Variants in PAM observed in about 807,000 individuals in gnomAD.
The protein encoded by PAM is peptidylglycine alpha-amidating monooxygenase, also known as peptidyl-glycine alpha-amidating monooxygenase.
PAM carries 72 observed loss-of-function variants against 122.1 expected under a neutral mutation model. That is an observed-to-expected ratio of 0.59 (90% CI 0.49 to 0.72). The LOEUF is 0.72. Ranked by LOEUF, PAM falls within the 30% of genes least tolerant of loss-of-function variation. The pLI, the probability that PAM is intolerant of heterozygous loss-of-function variation, is 0.00. For missense variants in PAM, 1,106 were observed against 1,183.7 expected, an observed-to-expected ratio of 0.93 and a Z score of 0.96; for synonymous variants, 389 against 404.4, an observed-to-expected ratio of 0.96 and a Z score of 0.46.
At chr5:102,823,623 C>T (rs1419309627) in intron 1 of PAM, among the ~76,000 whole-genome samples, 1 of 152,164 alleles carries the variant, frequency 6.6e-6, no homozygotes, top group African/African-American at 2.4e-5. Flanking sequence ...ATCTTAGAAC[C>T]TACTTAACTA....
At chr5:102,844,648 T>C (rs895290857) in intron 1 of PAM, among the ~76,000 whole-genome samples, 2 of 151,950 alleles carry the variant, frequency 1.3e-5, no homozygotes, top group Non-Finnish European at 2.9e-5. Flanking sequence ...GCCTGGGCAA[T>C]AGAGCAAGAC....
At chr5:102,844,004 T>G (rs1488774496) in intron 1 of PAM, among the ~76,000 whole-genome samples, 4 of 152,198 alleles carry the variant, frequency 2.6e-5, no homozygotes, top group Non-Finnish European at 5.9e-5. Flanking sequence ...CAAAAACCTG[T>G]ATATACATGT....
intron 22 of PAM, 24 bp downstream of exon 22, chr5:103,017,457 T>C: frequency 7.2e-7 from 1 of 1,384,830 alleles, no homozygotes; most frequent in Non-Finnish European, 1.0e-6. Flanking sequence ...AGTATTATTG[T>C]TCACATTTTC....
intron 6 of PAM, among the ~76,000 whole-genome samples, chr5:102,926,243 C>T (rs567691075): frequency 2.6e-5 from 4 of 152,162 alleles, no homozygotes; most frequent in East Asian, 1.9e-4. Context: ...TACAGGCGCC[C>T]GCCACCGCGC....
At chr5:102,906,088 G>A (rs1198454379) in intron 4 of PAM, among the ~76,000 whole-genome samples, 2 of 151,604 alleles carry the variant, frequency 1.3e-5, no homozygotes, top group Non-Finnish European at 3.0e-5. Context: ...GGTCACCCAA[G>A]TACGCATGTT....
intron 1 of PAM, among the ~76,000 whole-genome samples, chr5:102,805,490 G>A (rs75705522): frequency 0.014 from 2,156 of 152,256 alleles, 57 homozygotes; most frequent in African/African-American, 0.049. Context: ...AAAAGAAGGT[G>A]TACTGTTATC....
chr5:102,848,851 T>C (rs923942637), intron 1 of PAM, among the ~76,000 whole-genome samples: 2 of 152,072 alleles, frequency 1.3e-5, no homozygotes, highest in Non-Finnish European at 2.9e-5. Flanking sequence ...ATGATAGAGA[T>C]AAATGTGGAA....
intron 3 of PAM, among the ~76,000 whole-genome samples, chr5:102,877,293 G>T (rs917699425): frequency 6.6e-6 from 1 of 152,192 alleles, no homozygotes; most frequent in African/African-American, 2.4e-5. Flanking sequence ...ATGTTAGCAA[G>T]TAGCTAATGC....
rs1783707881 is a variant in PAM at position 103,022,079 on chromosome 5, CA to C, written c.2485+2239del. Among the ~76,000 whole-genome samples the C allele has an allele frequency of 2.0e-5, 3 of 151,910 alleles. No individual in the cohort carries two copies. In the South Asian group the frequency reaches 6.2e-4, roughly 32 times the overall value. On this transcript the variant is annotated intron_variant, in intron 23 of 25. Transcript: ENST00000438793. ...TAAAACAGGTATAGCAATATCTCAC[CA>C]AAGCATAGCTCTCACCCCCAAGCCC... is the stretch of plus-strand genomic sequence containing the variant.
At chr5:103,011,018 T>A (rs1485323160) in intron 21 of PAM, among the ~76,000 whole-genome samples, 1 of 152,180 alleles carries the variant, frequency 6.6e-6, no homozygotes, top group Non-Finnish European at 1.5e-5. Context: ...AAATACTAGG[T>A]CTTATTCATT....
intron 1 of PAM, among the ~76,000 whole-genome samples, chr5:102,847,254 C>G (rs1780169949): frequency 6.6e-6 from 1 of 152,146 alleles, no homozygotes; most frequent in Admixed American, 6.5e-5. Flanking sequence ...GCCTGGCCAA[C>G]ATGGTGAAAG....
At chr5:102,883,393 C>G (rs1791934822) in intron 3 of PAM, among the ~76,000 whole-genome samples, 1 of 151,980 alleles carries the variant, frequency 6.6e-6, no homozygotes, top group African/African-American at 2.4e-5. Context: ...TTTCTTTCAG[C>G]AGTGTTTTGT....
chr5:102,826,806 A>G (rs959699664), intron 1 of PAM, among the ~76,000 whole-genome samples: 1 of 152,182 alleles, frequency 6.6e-6, no homozygotes, highest in Non-Finnish European at 1.5e-5. Context: ...CTAGGTTAGG[A>G]AGTTCAAAGA....
At chr5:102,985,668 A>G (rs1771580959) in intron 15 of PAM, among the ~76,000 whole-genome samples, 1 of 152,172 alleles carries the variant, frequency 6.6e-6, no homozygotes, top group South Asian at 2.1e-4. Context: ...TACCAAAATT[A>G]TAAAGAACTA....
chr5:102,948,098 T>G (rs115251561), intron 8 of PAM, among the ~76,000 whole-genome samples: 3 of 152,176 alleles, frequency 2.0e-5, no homozygotes, highest in Admixed American at 6.6e-5. Context: ...TAATCACATT[T>G]AAAAATCACC....
In PAM at chr5:102,949,887, T is replaced by C. The variant is rs775453781; in HGVS notation, c.725-15T>C. 24 of 1,347,818 alleles carry C rather than the reference T, an allele frequency of 1.8e-5. No individual in the cohort carries two copies. Among genetic ancestry groups the C allele is most frequent in the Non-Finnish European group, 2.5e-5 (24 of 945,128 alleles). 83.5% of individuals were successfully genotyped at this position (1,347,818 alleles called of 1,614,324 possible). A position where few individuals can be genotyped will look rare whatever the true frequency, so the allele number is the denominator to read the frequency against. On this transcript the variant is annotated splice_polypyrimidine_tract_variant and intron_variant, in intron 10 of 25. Coordinates refer to ENST00000438793, the MANE Select transcript of PAM (RefSeq NM_001177306.2). Reference sequence around the variant, plus strand: ...CCTTATTATATTAAATGATTAAAATTTGTGTTTATTACAGGTAAGGTAGTA... The same window carrying C: ...CCTTATTATATTAAATGATTAAAATCTGTGTTTATTACAGGTAAGGTAGTA...
chr5:102,770,881 T>C (rs1300977607), intron 1 of PAM, among the ~76,000 whole-genome samples: 6 of 152,040 alleles, frequency 3.9e-5, no homozygotes, highest in Non-Finnish European at 7.4e-5. Context: ...GAACTGTGTT[T>C]TAATAATAGT....
chr5:103,002,125 A>G (rs1777583846), intron 16 of PAM, among the ~76,000 whole-genome samples: 1 of 152,060 alleles, frequency 6.6e-6, no homozygotes, highest in African/African-American at 2.4e-5. Context: ...ATTTACTTCT[A>G]TATTACAGAA....
intron 7 of PAM, among the ~76,000 whole-genome samples, chr5:102,932,165 T>A (rs59323174): frequency 6.6e-6 from 1 of 152,014 alleles, no homozygotes; most frequent in Non-Finnish European, 1.5e-5. Flanking sequence ...AGTACTATAA[T>A]GTTAAAACAT....
Sources: allele counts gnomAD v4.1 joint callset (sites outside exome capture counted in the v4.1 genomes callset), GRCh38; gene constraint gnomAD v4.1.1; transcripts MANE v1.5; gene names NCBI Gene and HGNC (gene_info 2026-07-23, HGNC 2026-07-21).